FOXK1: variants seen among roughly 807,000 people sequenced by gnomAD.
FOXK1 encodes forkhead box protein K1.
FOXK1 carries 19 observed loss-of-function variants against 51.9 expected under a neutral mutation model. That is an observed-to-expected ratio of 0.37 (90% CI 0.26 to 0.54). The LOEUF (loss-of-function observed/expected upper bound fraction) is 0.54, where lower values mean the gene tolerates loss of function less well. Among genes scored for constraint, FOXK1 ranks in the 20% least tolerant of loss-of-function variants. The probability of loss-of-function intolerance (pLI) is 0.87; values close to 1 mark genes in which losing one functional copy is unlikely to be tolerated. For missense variants in FOXK1, 870 were observed against 1,032.7 expected (o/e 0.84, Z 2.16); for synonymous variants, 537 against 482.6 (o/e 1.11, Z -1.48).
chr7:4,752,787 G>GT (rs1190276305), intron 2 of FOXK1, among the ~76,000 whole-genome samples: 2 of 152,194 alleles, frequency 1.3e-5, no homozygotes, highest in African/African-American at 4.8e-5. Flanking sequence ...GGCGTGTGCT[G>GT]GCCCCATTGT....
In FOXK1 at chr7:4,707,777, T is replaced by A. The variant is rs536966685; in HGVS notation, c.560+24909T>A. Among the ~76,000 whole-genome samples the A allele has an allele frequency of 1.7e-4, 26 of 151,898 alleles. No homozygotes were observed. The highest frequency in any genetic ancestry group is 1.1e-3 in the Admixed American group (16 of 15,224). On this transcript the variant is annotated intron_variant, in intron 1 of 8. Coordinates refer to ENST00000328914, the MANE Select transcript of FOXK1 (RefSeq NM_001037165.2). The surrounding 1 kb of genome is among the most constrained non-coding windows in gnomAD (Gnocchi z 4.1). ...GTGGCTCTCTGCAACCTCCGCCTCC[T>A]GGGTTCAAGCAATTCTCCTACCTCA...
rs1025177807 is a variant in FOXK1, at chr7:4,736,572, C to A, written c.561-4266C>A. Among the ~76,000 whole-genome samples, 3 of 152,006 alleles carry A rather than the reference C, an allele frequency of 2.0e-5. No individual in the cohort carries two copies. The East Asian group carries it at 5.8e-4, about 29-fold the overall frequency. ...GGATTACATGTGTGTGCCACCATGCCTGGTTCATTTTTTGTATTTTTAGTA... is the reference window on the plus strand; with the variant it reads ...GGATTACATGTGTGTGCCACCATGCATGGTTCATTTTTTGTATTTTTAGTA... On this transcript the variant is annotated intron_variant, in intron 1 of 8. Coordinates refer to ENST00000328914, the MANE Select transcript of FOXK1 (RefSeq NM_001037165.2).
At chr7:4,714,713 T>C (rs1314480165) in intron 1 of FOXK1, among the ~76,000 whole-genome samples, 1 of 152,244 alleles carries the variant, frequency 6.6e-6, no homozygotes, top group South Asian at 2.1e-4. Context: ...TAAGTAGGCG[T>C]TACATTCCCG....
intron 7 of FOXK1, 82 bp downstream of exon 7, chr7:4,759,677 C>A: frequency 7.0e-7 from 1 of 1,427,250 alleles, no homozygotes; most frequent in Non-Finnish European, 9.3e-7. Context: ...GCGCCATTGG[C>A]CTGGGCCTGG....
rs1372400215 is a variant in FOXK1 at position 4,743,625 on chromosome 7, A to G, written c.746+2602A>G. The stretch of plus-strand genomic sequence containing the variant: ...GAAAGCAGTTGAGCGCAGTATATGT[A>G]CTTAAGTCTTCACCTAGTACCACCT... On this transcript the variant is annotated intron_variant, in intron 2 of 8. Coordinates refer to ENST00000328914, the MANE Select transcript of FOXK1 (RefSeq NM_001037165.2). The surrounding 1 kb of genome is among the most constrained non-coding windows in gnomAD (Gnocchi z 5.3). Among the ~76,000 whole-genome samples the G allele has an allele frequency of 6.6e-6, 1 of 152,208 alleles. No individual in the cohort carries two copies.
rs1238654194 is a variant in FOXK1, at chr7:4,762,061, C to G, written c.1922-123C>G. Reference sequence around the variant, plus strand: ...GAGCAGAGCAAGGGTAGCCGTCCTGCCTGGCAGGGGTGCACTGACCTCCGG... The same window carrying G: ...GAGCAGAGCAAGGGTAGCCGTCCTGGCTGGCAGGGGTGCACTGACCTCCGG... On this transcript the variant is annotated intron_variant, in intron 8 of 8. Transcript: ENST00000328914. This position sits in a 1 kb window ranked among gnomAD's most constrained non-coding sequence, Gnocchi z 5.7. 1 of 1,178,304 alleles carries G rather than the reference C, an allele frequency of 8.5e-7. No homozygotes were observed. The highest frequency in any genetic ancestry group is 1.2e-6 in the Non-Finnish European group (1 of 848,502). The allele number at this position is 1,178,304 out of a possible 1,614,324, so 73.0% of individuals were successfully genotyped here.
rs1197550597 is a variant in FOXK1, at chr7:4,729,202, ACT to A, written c.561-11632_561-11631del. Reference sequence around the variant, plus strand: ...GGGAGCGGAGGTGATTTCGGAGCCTACTCTCCGATCCTCAGGATCCTCTTCGG... The same window carrying A: ...GGGAGCGGAGGTGATTTCGGAGCCTACTCCGATCCTCAGGATCCTCTTCGG... On this transcript the variant is annotated intron_variant, in intron 1 of 8. Coordinates refer to ENST00000328914, the MANE Select transcript of FOXK1 (RefSeq NM_001037165.2). This position sits in a 1 kb window ranked among gnomAD's most constrained non-coding sequence, Gnocchi z 6.2. Among the ~76,000 whole-genome samples, 1 of 151,656 alleles carries A rather than the reference ACT, an allele frequency of 6.6e-6. No individual in the cohort carries two copies. The highest frequency in any genetic ancestry group is 1.5e-5 in the Non-Finnish European group (1 of 67,934).
At chr7:4,720,567 T>C (rs2115047182) in intron 1 of FOXK1, among the ~76,000 whole-genome samples, 1 of 152,330 alleles carries the variant, frequency 6.6e-6, no homozygotes, top group South Asian at 2.1e-4. Context: ...ATGGGCAGCC[T>C]GTGGCCAACT....
intron 2 of FOXK1, among the ~76,000 whole-genome samples, chr7:4,750,191 G>A (rs532211065): frequency 4.6e-5 from 7 of 152,336 alleles, no homozygotes; most frequent in African/African-American, 1.7e-4. Flanking sequence ...CTCCAATCGG[G>A]GGGCACAGGC....
At chr7:4,739,858 G>A (rs752507782) in intron 1 of FOXK1, among the ~76,000 whole-genome samples, 3 of 152,220 alleles carry the variant, frequency 2.0e-5, no homozygotes, top group Non-Finnish European at 4.4e-5. Flanking sequence ...TCATTTGAGA[G>A]GTGGCAGATC....
In FOXK1 at chr7:4,761,085, T is replaced by C; in HGVS notation, c.1718T>C (p.Ile573Thr). Residue 573 changes from isoleucine (I) to threonine (T), a missense_variant, in exon 8 of 9, where the codon ATT becomes ACT. Ile to Thr is a moderately conservative substitution (Grantham distance 89). Coordinates refer to ENST00000328914, the MANE Select transcript of FOXK1 (RefSeq NM_001037165.2). The surrounding 1 kb of genome is among the most constrained non-coding windows in gnomAD (Gnocchi z 6.2). ...GCAGGCCTGGAGGAGAAACCCACCA[T>C]TGCGTTTGCCACAATCCCCGCGGCT... Reference protein sequence around the residue: ...EARGLEEKPTIAFATIPAAGG... With the variant: ...EARGLEEKPTTAFATIPAAGG... 1 of 1,612,944 alleles carries C rather than the reference T, an allele frequency of 6.2e-7. No homozygotes were observed. Among genetic ancestry groups the C allele is most frequent in the Non-Finnish European group, 8.5e-7 (1 of 1,179,744 alleles).
chr7:4,739,665 G>A (rs939070020), intron 1 of FOXK1, among the ~76,000 whole-genome samples: 1 of 152,180 alleles, frequency 6.6e-6, no homozygotes, highest in South Asian at 2.1e-4. Context: ...TTTAAGCCCA[G>A]AACTGATCGT....
At chr7:4,741,066 GGGGATGATGCGAGC>G (rs1362273895) in intron 2 of FOXK1, 43 bp downstream of exon 2, 3 of 1,388,266 alleles carry the variant, frequency 2.2e-6, no homozygotes, top group Non-Finnish European at 2.9e-6. Flanking sequence ...CAGGAGAGAG[GGGGATGATGCGAGC>G]GTGCCTGTCG....
chr7:4,740,816 C>G (rs1363974905), intron 1 of FOXK1, 22 bp from the exon 2 acceptor site: 1 of 1,588,386 alleles, frequency 6.3e-7, no homozygotes, highest in Non-Finnish European at 8.6e-7. Flanking sequence ...GCACCTCACA[C>G]CCGCTCCTCC....
At chr7:4,719,364 ACTCAGC>A (rs548399623) in intron 1 of FOXK1, among the ~76,000 whole-genome samples, 4 of 151,066 alleles carry the variant, frequency 2.6e-5, no homozygotes, top group African/African-American at 9.7e-5. Context: ...CTGGTTGCAA[ACTCAGC>A]CTCAAATGAT....
chr7:4,758,716 T>C lies in FOXK1; in HGVS notation c.1245-335T>C, dbSNP rs566849932. 32 of 295,764 alleles carry C rather than the reference T, an allele frequency of 1.1e-4. No individual in the cohort carries two copies. In the Admixed American group the frequency reaches 1.4e-3, roughly 13 times the overall value. 18.3% of individuals were successfully genotyped at this position (295,764 alleles called of 1,614,324 possible). ...GTTGCGCCCACCAAACAGAAGCTTA[T>C]GTTTTTGGCACAGAAGGCCTGGGCC... On this transcript the variant is annotated intron_variant, in intron 5 of 8. Coordinates refer to ENST00000328914, the MANE Select transcript of FOXK1 (RefSeq NM_001037165.2). The surrounding 1 kb of genome is among the most constrained non-coding windows in gnomAD (Gnocchi z 4.4).
At chr7:4,759,269 G>A (rs1780897948) in intron 6 of FOXK1, 42 bp from the exon 7 acceptor site, 1 of 1,605,468 alleles carries the variant, frequency 6.2e-7, no homozygotes, top group Non-Finnish European at 8.5e-7. Flanking sequence ...GACTCGTGGG[G>A]GTGCGGGAGG....
intron 1 of FOXK1, among the ~76,000 whole-genome samples, chr7:4,694,965 G>T (rs915173194): frequency 2.0e-5 from 3 of 152,246 alleles, no homozygotes; most frequent in Admixed American, 6.5e-5. Context: ...AGAAGCTGTG[G>T]CTGGAACTTA....
chr7:4,703,742 C>G lies in FOXK1; in HGVS notation c.560+20874C>G, dbSNP rs1430415199. On this transcript the variant is annotated intron_variant, in intron 1 of 8. Transcript: ENST00000328914. This position sits in a 1 kb window ranked among gnomAD's most constrained non-coding sequence, Gnocchi z 5.6. ...GGCGACCAGGAGGCCCTTCAGTGCTCCGGAGGCACTTTCAGAGCATCGTGA... is the reference window on the plus strand; with the variant it reads ...GGCGACCAGGAGGCCCTTCAGTGCTGCGGAGGCACTTTCAGAGCATCGTGA... Among the ~76,000 whole-genome samples the G allele has an allele frequency of 2.0e-5, 3 of 152,266 alleles. No homozygotes were observed. The highest frequency in any genetic ancestry group is 4.8e-5 in the African/African-American group (2 of 41,546).
Sources: gnomAD v4.1 joint callset for allele counts (sites outside exome capture counted in the v4.1 genomes callset) on GRCh38, gnomAD v4.1.1 for gene constraint, Gnocchi (gnomAD v3.1) non-coding constraint, MANE v1.5 for transcripts, NCBI Gene and HGNC (gene_info 2026-07-23, HGNC 2026-07-21) for gene names.